Variants in TNIP3 observed in about 807,000 individuals in gnomAD.
TNIP3 encodes the protein TNFAIP3 interacting protein 3, also known as TNFAIP3-interacting protein 3.
A neutral mutation model predicts 54.1 loss-of-function variants in TNIP3; 34 were observed. That is an observed-to-expected ratio of 0.63 (90% CI 0.48 to 0.84). The LOEUF is 0.84. Among genes scored for constraint, TNIP3 ranks in the 40% least tolerant of loss-of-function variants. The pLI is 0.00. For missense variants in TNIP3, 366 were observed against 387.6 expected (o/e 0.94, Z 0.47); for synonymous variants, 134 against 136.8 (o/e 0.98, Z 0.14).
At chr4:121,154,826 A>G (rs1269590480) in intron 4 of TNIP3, 147 bp from the exon 5 acceptor site, 2 of 658,640 alleles carry the variant, frequency 3.0e-6, no homozygotes, top group Admixed American at 6.5e-5. Flanking sequence ...CAAGACTTTA[A>G]ACTTAATGTT....
In TNIP3 at chr4:121,150,182, GA is replaced by G. The variant is rs1729662440; in HGVS notation, c.529del (p.Ser177ProfsTer5). 6.2e-7 allele frequency: 1 copy of G among 1,613,688 alleles called. No homozygotes were observed. Among genetic ancestry groups the G allele is most frequent in the Non-Finnish European group, 8.5e-7 (1 of 1,179,790 alleles). ...TCGAGACTTCCTCAAACAGTCCTCGGAAAATGAACACTTGATATTCAAGGCA... is the reference window on the plus strand; with the variant it reads ...TCGAGACTTCCTCAAACAGTCCTCGGAAATGAACACTTGATATTCAAGGCA... ...QDALNIKCSF[S>X]EDCLRKSRVE... On this transcript the variant is annotated frameshift_variant, in exon 6 of 11. Transcript: ENST00000057513. LOFTEE classifies it high-confidence loss of function.
At chr4:121,215,817 C>T (rs1407437580) in intron 2 of TNIP3, among the ~76,000 whole-genome samples, 4 of 150,830 alleles carry the variant, frequency 2.7e-5, no homozygotes, top group African/African-American at 9.8e-5. Context: ...AGTATAGGGT[C>T]TGAATCTGAT....
At chr4:121,160,042 T>A (rs2148814202) in intron 2 of TNIP3, among the ~76,000 whole-genome samples, 1 of 152,322 alleles carries the variant, frequency 6.6e-6, no homozygotes, top group African/African-American at 2.4e-5. Flanking sequence ...ATTTTAGGGA[T>A]TCCCATGTGT....
chr4:121,182,661 A>T (rs1440953250), intron 3 of TNIP3: 2 of 1,533,672 alleles, frequency 1.3e-6, no homozygotes, highest in South Asian at 2.4e-5. Context: ...AAGGAGAAAA[A>T]AGGTGTTTTC....
At chr4:121,140,042 G>A (rs1430536150) in intron 9 of TNIP3, among the ~76,000 whole-genome samples, 1 of 152,182 alleles carries the variant, frequency 6.6e-6, no homozygotes, top group Admixed American at 6.5e-5. Context: ...GCTTGAAAAT[G>A]TAGGCCATTC....
At chr4:121,221,875 G>A (rs60358563) in intron 1 of TNIP3, among the ~76,000 whole-genome samples, 17,576 of 152,000 alleles carry the variant, frequency 0.12, 2,604 homozygotes, top group African/African-American at 0.35. Context: ...GCCACCACAG[G>A]TTCTCTACAG....
chr4:121,164,072 C>A lies in TNIP3; in HGVS notation c.54G>T (p.Thr18=). ...AATATGTTCTTACCTCTTTATGCTC[C>A]GTAGAACTTTCTGCGGCAATCATTC... The part of the protein sequence containing the change: ...TSRMIAAESS[T]EHKECAEPST... The change falls in exon 1 of 11, where the codon ACG becomes ACT. Residue 18 remains threonine (T), a synonymous_variant. Transcript: ENST00000057513. The A allele has an allele frequency of 6.2e-7, 1 of 1,613,592 alleles. No individual in the cohort carries two copies.
intron 5 of TNIP3, among the ~76,000 whole-genome samples, chr4:121,153,088 A>G (rs1346133627): frequency 6.6e-6 from 1 of 152,254 alleles, no homozygotes; most frequent in African/African-American, 2.4e-5. Flanking sequence ...GAGAGGTGAC[A>G]TTTGTATAAA....
intron 2 of TNIP3, among the ~76,000 whole-genome samples, chr4:121,209,944 G>A (rs1394600551): frequency 6.6e-6 from 1 of 152,100 alleles, no homozygotes; most frequent in Non-Finnish European, 1.5e-5. Flanking sequence ...AATTTTACAT[G>A]AGTGCTTCTA....
At position 121,157,179 on chromosome 4, in the gene TNIP3, G is replaced by T; in HGVS notation, c.278C>A (p.Pro93Gln). Reference protein sequence around the residue: ...ERFLSTREKDPHQRQRKDDRQ... With the variant: ...ERFLSTREKDQHQRQRKDDRQ... ...GTCGTCCTTTCTCTGCCTCTGATGC[G>T]GATCCTTCTCCCGCGTGCTGAGGAA... Residue 93 changes from proline (P) to glutamine (Q), a missense_variant, in exon 4 of 11, where the codon CCG becomes CAG. By Grantham distance (76) the Pro-to-Gln change is moderately conservative. Coordinates refer to ENST00000057513, the MANE Select transcript of TNIP3 (RefSeq NM_024873.6). 6.2e-7 allele frequency: 1 copy of T among 1,604,436 alleles called. No individual in the cohort carries two copies. The highest frequency in any genetic ancestry group is 8.5e-7 in the Non-Finnish European group (1 of 1,171,052).
intron 3 of TNIP3, among the ~76,000 whole-genome samples, chr4:121,181,450 C>CTGTACTA (rs1724694521): frequency 6.6e-6 from 1 of 152,162 alleles, no homozygotes; most frequent in African/African-American, 2.4e-5. Flanking sequence ...CATTAGTACA[C>CTGTACTA]ATTCATCTGT....
At chr4:121,226,554 G>T (rs986536391) in intron 1 of TNIP3, among the ~76,000 whole-genome samples, 1 of 152,214 alleles carries the variant, frequency 6.6e-6, no homozygotes, top group Non-Finnish European at 1.5e-5. Context: ...GGCATTGATC[G>T]AGATTCCTAA....
intron 2 of TNIP3, among the ~76,000 whole-genome samples, chr4:121,199,925 AC>A (rs1007600990): frequency 6.6e-6 from 1 of 152,112 alleles, no homozygotes; most frequent in African/African-American, 2.4e-5. Flanking sequence ...CAGCCAAGAC[AC>A]CTCGTGTGGG....
intron 2 of TNIP3, 68 bp downstream of exon 2, chr4:121,161,068 T>A: frequency 8.2e-7 from 1 of 1,217,482 alleles, no homozygotes; most frequent in Non-Finnish European, 1.2e-6. Flanking sequence ...GGCACAAGGA[T>A]AATACATTAT....
chr4:121,151,781 G>A (rs1319668185), intron 5 of TNIP3, among the ~76,000 whole-genome samples: 1 of 152,144 alleles, frequency 6.6e-6, no homozygotes, highest in East Asian at 1.9e-4. Context: ...TTTTGTAAAT[G>A]AGTCATAAAT....
chr4:121,220,878 G>C (rs181567762), upstream of TNIP3, among the ~76,000 whole-genome samples: 2 of 152,026 alleles, frequency 1.3e-5, no homozygotes, highest in Admixed American at 6.6e-5. Context: ...AGAGCAATAC[G>C]TTCAGTCAAG....
At position 121,197,232 on chromosome 4, in the gene TNIP3, G is replaced by A. The variant is rs142959561; in HGVS notation, c.69-14436C>T. On this transcript the variant is annotated intron_variant, in intron 2 of 12. Transcript: ENST00000507879. ...GTTCTTACATGAATGCTCTCTTTAA[G>A]AACACCTAAGTCCTGCCGGGCACAG... 4.6e-3 allele frequency among the ~76,000 whole-genome samples: 701 copies of A among 152,150 alleles called. 6 individuals carry two copies. The highest frequency in any genetic ancestry group is 0.016 in the African/African-American group (669 of 41,480).
chr4:121,173,824 C>A (rs1724135712), intron 3 of TNIP3, among the ~76,000 whole-genome samples: 1 of 152,094 alleles, frequency 6.6e-6, no homozygotes, highest in East Asian at 1.9e-4. Flanking sequence ...AGAGGTGGAG[C>A]TTCACCATGT....
At chr4:121,176,882 T>C (rs893415611) in intron 3 of TNIP3, among the ~76,000 whole-genome samples, 9 of 152,146 alleles carry the variant, frequency 5.9e-5, no homozygotes, top group Non-Finnish European at 1.2e-4. Context: ...GGTCTAGAAC[T>C]TGTCCCCAGC....
Sources: gnomAD v4.1 joint callset for allele counts (sites outside exome capture counted in the v4.1 genomes callset) on GRCh38, gnomAD v4.1.1 for gene constraint, MANE v1.5 for transcripts, NCBI Gene and HGNC (gene_info 2026-07-23, HGNC 2026-07-21) for gene names.